MICAL3: variants seen among roughly 807,000 people sequenced by gnomAD.
The protein encoded by MICAL3 is microtubule associated monooxygenase, calponin and LIM domain containing 3, also known as [F-actin]-monooxygenase MICAL3.
In MICAL3, 62 loss-of-function variants were observed where a neutral mutation model predicts 207.4. The observed-to-expected ratio is 0.30, with a 90% confidence interval of 0.24 to 0.37. The LOEUF is 0.37. Among genes scored for constraint, MICAL3 ranks in the 10% least tolerant of loss-of-function variants. The probability of loss-of-function intolerance (pLI) is 1.00; values close to 1 mark genes in which losing one functional copy is unlikely to be tolerated. For synonymous variants in MICAL3, 1,077 were observed against 1,069.3 expected (o/e 1.01, Z -0.14); for missense variants, 2,368 against 2,635.6 (o/e 0.90, Z 2.22).
intron 1 of MICAL3, among the ~76,000 whole-genome samples, chr22:17,938,454 G>A (rs1253789884): frequency 1.3e-5 from 2 of 152,138 alleles, no homozygotes; most frequent in African/African-American, 4.8e-5. Flanking sequence ...ATTTGGTAGG[G>A]GTGGGCTGCC....
intron 19 of MICAL3, among the ~76,000 whole-genome samples, chr22:17,845,258 G>A (rs529615710): frequency 2.2e-4 from 33 of 152,302 alleles, no homozygotes; most frequent in Middle Eastern, 3.4e-3. Flanking sequence ...TCAATTCAGA[G>A]GGAAGTGATT....
intron 16 of MICAL3, among the ~76,000 whole-genome samples, chr22:17,883,359 A>G (rs917798748): frequency 2.6e-5 from 4 of 152,288 alleles, no homozygotes; most frequent in African/African-American, 9.6e-5. Context: ...AGAAAGGAAC[A>G]TTTTTGCCTG....
At chr22:17,825,205 G>A (rs779436971) in intron 22 of MICAL3, among the ~76,000 whole-genome samples, 4 of 152,076 alleles carry the variant, frequency 2.6e-5, no homozygotes, top group Admixed American at 2.6e-4. Flanking sequence ...AGAGTCAGGC[G>A]GGTGAGAAGT....
chr22:17,810,834 T>C (rs781663162), intron 27 of MICAL3, 21 bp from the exon 28 acceptor site: 30 of 1,601,698 alleles, frequency 1.9e-5, no homozygotes, highest in African/African-American at 4.0e-5. Flanking sequence ...CAAGAGAAAC[T>C]TCCTCAGTCA....
chr22:17,869,238 C>T (rs1927477019), intron 17 of MICAL3, among the ~76,000 whole-genome samples: 1 of 152,186 alleles, frequency 6.6e-6, no homozygotes, highest in Non-Finnish European at 1.5e-5. Flanking sequence ...GTCTGCACGG[C>T]AGCGGCTAGG....
At chr22:17,918,282 A>G (rs907121628) in intron 1 of MICAL3, among the ~76,000 whole-genome samples, 1 of 136,806 alleles carries the variant, frequency 7.3e-6, no homozygotes. Context: ...CTGTCTCTTA[A>G]AAAAAAAACA....
At chr22:17,811,979 G>T (rs1450603360) in intron 27 of MICAL3, among the ~76,000 whole-genome samples, 1 of 152,164 alleles carries the variant, frequency 6.6e-6, no homozygotes, top group Non-Finnish European at 1.5e-5. Context: ...AATCTCCTGG[G>T]CTTAAGTGAT....
At chr22:17,932,868 CAAAG>C (rs1366203158) in intron 1 of MICAL3, among the ~76,000 whole-genome samples, 1 of 152,082 alleles carries the variant, frequency 6.6e-6, no homozygotes, top group African/African-American at 2.4e-5. Context: ...TCAAAAGAGA[CAAAG>C]AAGGCCATTA....
intron 1 of MICAL3, among the ~76,000 whole-genome samples, chr22:17,933,920 C>T (rs888993590): frequency 6.6e-6 from 1 of 152,072 alleles, no homozygotes; most frequent in African/African-American, 2.4e-5. Context: ...AAGACTAAAC[C>T]AGGAAGAAGT....
chr22:17,834,690 G>C, intron 20 of MICAL3: 2 of 812,150 alleles, frequency 2.5e-6, no homozygotes, highest in Non-Finnish European at 1.5e-6. Context: ...GAGGTCGAAA[G>C]TGGGCAAACC....
intron 19 of MICAL3, chr22:17,863,798 T>C (rs947302074): frequency 7.8e-5 from 77 of 985,452 alleles, no homozygotes; most frequent in Non-Finnish European, 8.9e-5. Context: ...GAACCTCTCG[T>C]TGAAGGCCAA....
chr22:17,947,301 A>G (rs1381013480), intron 1 of MICAL3, among the ~76,000 whole-genome samples: 1 of 152,234 alleles, frequency 6.6e-6, no homozygotes, highest in African/African-American at 2.4e-5. Flanking sequence ...CAAACTGCCA[A>G]TGAGACAATG....
intron 27 of MICAL3, chr22:17,811,354 T>A (rs1328231117): frequency 6.5e-6 from 1 of 153,488 alleles, no homozygotes; most frequent in Non-Finnish European, 1.5e-5. Flanking sequence ...GCAGTATCCA[T>A]GAGAGTCTTC....
chr22:17,892,318 C>G (rs889235992), intron 11 of MICAL3, among the ~76,000 whole-genome samples: 2 of 152,214 alleles, frequency 1.3e-5, no homozygotes, highest in African/African-American at 4.8e-5. Context: ...AAAACCCGAA[C>G]AGCCTCTTTA....
chr22:17,814,046 A>G (rs2062076943), intron 27 of MICAL3: 1 of 152,228 alleles, frequency 6.6e-6, no homozygotes, highest in Non-Finnish European at 1.5e-5. Context: ...TAACAAAACA[A>G]AACCCAGGCT....
intron 16 of MICAL3, among the ~76,000 whole-genome samples, chr22:17,885,040 C>T (rs776566772): frequency 6.6e-6 from 1 of 152,122 alleles, no homozygotes; most frequent in Non-Finnish European, 1.5e-5. Context: ...ACTTCCAGTG[C>T]GAATCTTCAA....
chr22:17,794,671 G>A (rs946154508), intron 29 of MICAL3, among the ~76,000 whole-genome samples: 4 of 152,204 alleles, frequency 2.6e-5, no homozygotes, highest in Non-Finnish European at 5.9e-5. Flanking sequence ...GCTGCAGCTG[G>A]GGGCTGTCAC....
At chr22:17,875,518 G>A (rs999121768) in intron 16 of MICAL3, 2 of 1,554,522 alleles carry the variant, frequency 1.3e-6, no homozygotes, top group African/African-American at 1.4e-5. Context: ...AGCTCCCACT[G>A]GTCGACAAAA....
chr22:18,004,060 G>A (rs568148442), intron 1 of MICAL3, among the ~76,000 whole-genome samples: 358 of 152,142 alleles, frequency 2.4e-3, no homozygotes, highest in Admixed American at 3.7e-3. Context: ...GAGCCACTGC[G>A]CCTGGCCCCT....
Sources: allele counts gnomAD v4.1 joint callset (sites outside exome capture counted in the v4.1 genomes callset), GRCh38; gene constraint gnomAD v4.1.1; transcripts MANE v1.5; gene names NCBI Gene and HGNC (gene_info 2026-07-23, HGNC 2026-07-21).